The following ZDHHC20 variants were observed in gnomAD, a reference collection of about 807,000 sequenced individuals.
The protein encoded by ZDHHC20 is zDHHC palmitoyltransferase 20, also known as palmitoyltransferase ZDHHC20.
A neutral mutation model predicts 57.8 loss-of-function variants in ZDHHC20; 43 were observed. The observed-to-expected ratio is 0.74, with a 90% CI of 0.58 to 0.96. The LOEUF (loss-of-function observed/expected upper bound fraction) is 0.96, where lower values mean the gene tolerates loss of function less well. ZDHHC20 is among the 40% of genes least tolerant of loss of function. The probability of loss-of-function intolerance (pLI) is 0.00; values close to 1 mark genes in which losing one functional copy is unlikely to be tolerated. For missense variants in ZDHHC20, 391 were observed against 441.1 expected, an observed-to-expected ratio of 0.89 and a Z score of 1.02; for synonymous variants, 157 against 153.0, an observed-to-expected ratio of 1.03 and a Z score of -0.19.
At chr13:21,454,175 A>T (rs1753390498) in intron 1 of ZDHHC20, among the ~76,000 whole-genome samples, 1 of 152,102 alleles carries the variant, frequency 6.6e-6, no homozygotes. Flanking sequence ...AAAATACAAA[A>T]ATTAGCCGGG....
chr13:21,441,806 G>A (rs1040190433), intron 1 of ZDHHC20, among the ~76,000 whole-genome samples: 11 of 151,840 alleles, frequency 7.2e-5, no homozygotes, highest in Admixed American at 5.3e-4. Context: ...TTTTGTCTGG[G>A]TTTTCTGTTG....
intron 3 of ZDHHC20, among the ~76,000 whole-genome samples, chr13:21,419,931 G>A (rs948855871): frequency 1.1e-4 from 16 of 152,272 alleles, no homozygotes; most frequent in African/African-American, 3.9e-4. Context: ...AAAGGGAAAC[G>A]ATTACATTAT....
At position 21,376,562 on chromosome 13, in the gene ZDHHC20, A is replaced by G. The variant is rs938821380; in HGVS notation, c.*134T>C. On this transcript the variant is annotated 3_prime_UTR_variant, in exon 13 of 13. Coordinates refer to ENST00000400590, the MANE Select transcript of ZDHHC20 (RefSeq NM_001330059.2). ...GTACAAAGGCTTTCCGTTTTAAAAA[A>G]TATATCTTCTGTTATACTTCAGTTA... The G allele has an allele frequency of 9.2e-7, 1 of 1,091,644 alleles. No individual in the cohort carries two copies. The highest frequency in any genetic ancestry group is 1.6e-5 in the African/African-American group (1 of 61,266). The allele number at this position is 1,091,644 out of a possible 1,614,324, so 67.6% of individuals were successfully genotyped here.
At position 21,376,125 on chromosome 13, in the gene ZDHHC20, T is replaced by C. The variant is rs1374186951; in HGVS notation, c.*571A>G. On this transcript the variant is annotated 3_prime_UTR_variant, in exon 13 of 13. Coordinates refer to ENST00000400590, the MANE Select transcript of ZDHHC20 (RefSeq NM_001330059.2). ...TGAATCCTTCTGTTATAGCCAACAATAAAAAAAGTTATTAAAAATGTTGAA... is the reference window on the plus strand; with the variant it reads ...TGAATCCTTCTGTTATAGCCAACAACAAAAAAAGTTATTAAAAATGTTGAA... 1.2e-4 allele frequency: 18 copies of C among 152,126 alleles called. No homozygotes were observed. The highest frequency in any genetic ancestry group is 1.2e-3 in the Admixed American group (18 of 15,274). 9.4% of individuals were successfully genotyped at this position (152,126 alleles called of 1,614,324 possible). A position where few individuals can be genotyped will look rare whatever the true frequency, so the allele number is the denominator to read the frequency against.
intron 1 of ZDHHC20, among the ~76,000 whole-genome samples, chr13:21,440,484 G>C (rs577131154): frequency 2.2e-4 from 33 of 152,050 alleles, no homozygotes; most frequent in Non-Finnish European, 3.1e-4. Context: ...GGTGGCACAC[G>C]CCTGTAGTTC....
intron 8 of ZDHHC20, among the ~76,000 whole-genome samples, chr13:21,390,959 TA>T (rs943357747): frequency 6.6e-6 from 1 of 151,676 alleles, no homozygotes; most frequent in African/African-American, 2.4e-5. Flanking sequence ...AGCTAAAAGA[TA>T]AGCTGTAATT....
At chr13:21,396,698 T>C (rs956252958) in intron 7 of ZDHHC20, among the ~76,000 whole-genome samples, 9 of 151,936 alleles carry the variant, frequency 5.9e-5, no homozygotes, top group African/African-American at 2.2e-4. Context: ...CCAGGCGTGG[T>C]GGTGCATGCC....
chr13:21,448,544 G>A (rs1389372569), intron 1 of ZDHHC20, among the ~76,000 whole-genome samples: 2 of 96,662 alleles, frequency 2.1e-5, no homozygotes, highest in Non-Finnish European at 5.3e-5. Flanking sequence ...CCCCTACTGG[G>A]AAGTGAGGAG....
chr13:21,379,598 T>G (rs1035072035), intron 11 of ZDHHC20, among the ~76,000 whole-genome samples: 1 of 151,978 alleles, frequency 6.6e-6, no homozygotes, highest in East Asian at 1.9e-4. Flanking sequence ...CACTTTTCTA[T>G]AGTGCAAGGA....
chr13:21,391,839 T>C lies in ZDHHC20; in HGVS notation c.610A>G (p.Thr204Ala), dbSNP rs754769275. The C allele has an allele frequency of 1.9e-6, 3 of 1,611,376 alleles. No homozygotes were observed. Among genetic ancestry groups the C allele is most frequent in the Admixed American group, 1.7e-5 (1 of 59,538 alleles). The change falls in exon 8 of 13, where the codon ACA (threonine) becomes GCA (alanine). Residue 204 changes from threonine to alanine, a missense_variant. Thr to Ala is a moderately conservative substitution (Grantham distance 58). Around this residue, in one of 3 missense-constraint regions of ZDHHC20, gnomAD observed 197 missense variants for 220.8 expected, o/e 0.89. Coordinates refer to ENST00000400590, the MANE Select transcript of ZDHHC20 (RefSeq NM_001330059.2). ...IKFWTNELTD[T>A]RAKFHVLFLF... Reference sequence around the variant, plus strand: ...AAAAGTACGTGGAATTTTGCACGTGTATCTGTCAGTTCATTCTGAGGAAAA... The same window carrying C: ...AAAAGTACGTGGAATTTTGCACGTGCATCTGTCAGTTCATTCTGAGGAAAA...
chr13:21,424,093 T>TA (rs1880974669), intron 2 of ZDHHC20, among the ~76,000 whole-genome samples: 1 of 152,192 alleles, frequency 6.6e-6, no homozygotes. Context: ...ATAAAGCTCT[T>TA]AACACGAGAC....
chr13:21,434,388 T>C (rs1882330818), intron 1 of ZDHHC20, among the ~76,000 whole-genome samples: 1 of 152,248 alleles, frequency 6.6e-6, no homozygotes, highest in South Asian at 2.1e-4. Context: ...TTTTTTCATA[T>C]ATTCTCTCTC....
chr13:21,445,380 A>T (rs537637687), intron 1 of ZDHHC20, among the ~76,000 whole-genome samples: 12 of 152,314 alleles, frequency 7.9e-5, no homozygotes, highest in African/African-American at 2.9e-4. Context: ...TAATGCTAAT[A>T]ATCTCTCTCC....
Position 21,459,266 on chromosome 13 carries a change from T to G in ZDHHC20, c.-95A>C. On this transcript the variant is annotated 5_prime_UTR_variant, in exon 1 of 13. Transcript: ENST00000400590. The stretch of plus-strand genomic sequence containing the variant: ...CTCGGACGCTCCAGGCGGCTGCTGG[T>G]CCAGCTCCCCCGCCTCCGAGGCAGG... The G allele has an allele frequency of 1.1e-6, 1 of 931,202 alleles. No homozygotes were observed. The highest frequency in any genetic ancestry group is 1.5e-6 in the Non-Finnish European group (1 of 645,516). 57.7% of individuals were successfully genotyped at this position (931,202 alleles called of 1,614,324 possible).
chr13:21,378,033 T>C (rs1242433614), intron 12 of ZDHHC20, among the ~76,000 whole-genome samples: 1 of 152,108 alleles, frequency 6.6e-6, no homozygotes, highest in Admixed American at 6.6e-5. Context: ...TGGACAAAAG[T>C]CACCTTTTTT....
chr13:21,440,058 CTG>C (rs1298708553), intron 1 of ZDHHC20, among the ~76,000 whole-genome samples: 3 of 109,134 alleles, frequency 2.7e-5, no homozygotes, highest in Non-Finnish European at 5.1e-5. Flanking sequence ...CAGAGTAAGA[CTG>C]TTTCTCAGAA....
In ZDHHC20 at chr13:21,405,995, A is replaced by G. The variant is rs183359349; in HGVS notation, c.371-3129T>C. Among the ~76,000 whole-genome samples, 50 of 152,266 alleles carry G rather than the reference A, an allele frequency of 3.3e-4. No homozygotes were observed. The East Asian group carries it at 7.5e-3, about 23-fold the overall frequency. On this transcript the variant is annotated intron_variant, in intron 4 of 12. Coordinates refer to ENST00000400590, the MANE Select transcript of ZDHHC20 (RefSeq NM_001330059.2). ...CTCTGTGAGGCAGTGAAAACATCCA[A>G]CGTAAAATGGAACAAAACCACTAAG...
intron 3 of ZDHHC20, among the ~76,000 whole-genome samples, chr13:21,419,552 G>A (rs559130753): frequency 6.6e-6 from 1 of 152,156 alleles, no homozygotes; most frequent in Admixed American, 6.5e-5. Flanking sequence ...GCAACTATAC[G>A]TAACACAGAT....
rs762166703 is a variant in ZDHHC20 at position 21,421,080 on chromosome 13, G to A, written c.230C>T (p.Pro77Leu). ...ATTTACCTCTTTGGAGGGGGAAGCG[G>A]GAGATGTGAAAATTGTCATCCAATA... ...WSYWMTIFTS[P>L]ASPSKEFYLS... The change falls in exon 3 of 13, where the codon CCC (proline) becomes CTC (leucine). Residue 77 changes from proline to leucine, a missense_variant. By Grantham distance (98) the Pro-to-Leu change is moderately conservative. Coordinates refer to ENST00000400590, the MANE Select transcript of ZDHHC20 (RefSeq NM_001330059.2). The A allele has an allele frequency of 6.8e-6, 11 of 1,612,576 alleles. No individual in the cohort carries two copies. The highest frequency in any genetic ancestry group is 9.3e-6 in the Non-Finnish European group (11 of 1,179,416).
Sources: allele counts gnomAD v4.1 joint callset (sites outside exome capture counted in the v4.1 genomes callset), GRCh38; gene constraint gnomAD v4.1.1; regional missense constraint gnomAD v4.1.1; transcripts MANE v1.5; gene names NCBI Gene and HGNC (gene_info 2026-07-23, HGNC 2026-07-21).